NOTCH1: variants seen among roughly 807,000 people sequenced by gnomAD.
NOTCH1 encodes the protein neurogenic locus notch homolog protein 1.
A neutral mutation model predicts 254.8 loss-of-function variants in NOTCH1; 37 were observed. The observed-to-expected ratio is 0.15, with a 90% CI of 0.11 to 0.19. The LOEUF (loss-of-function observed/expected upper bound fraction) is 0.19. Ranked by LOEUF, NOTCH1 falls within the 10% of genes least tolerant of loss-of-function variation. The probability of loss-of-function intolerance (pLI) is 1.00; values close to 1 mark genes in which losing one functional copy is unlikely to be tolerated. For missense variants in NOTCH1, 2,972 were observed against 3,708.6 expected (o/e 0.80, Z 5.16); for synonymous variants, 1,731 against 1,618.1 (o/e 1.07, Z -1.68).
intron 15 of NOTCH1, 44 bp downstream of exon 15, chr9:136,512,977 C>CCA: frequency 1.4e-6 from 1 of 707,616 alleles, no homozygotes; most frequent in Admixed American, 2.3e-5. Context: ...GCCCCTCCCA[C>CCA]ATAGGCCCCG....
At chr9:136,542,177 C>G (rs1217545562) in intron 2 of NOTCH1, among the ~76,000 whole-genome samples, 10 of 152,300 alleles carry the variant, frequency 6.6e-5, no homozygotes, top group Non-Finnish European at 1.3e-4. Context: ...ACCTCAGTCC[C>G]AGACCCCTGT....
At chr9:136,533,587 C>T (rs1266739054) in intron 2 of NOTCH1, among the ~76,000 whole-genome samples, 3 of 152,222 alleles carry the variant, frequency 2.0e-5, no homozygotes, top group Non-Finnish European at 2.9e-5. Flanking sequence ...CTGCCTGCCA[C>T]GGCCACAGCA....
At position 136,502,403 on chromosome 9, in the gene NOTCH1, G is replaced by A; in HGVS notation, c.5253C>T (p.Gly1751=). The change falls in exon 28 of 34, where the codon GGC becomes GGT. Residue 1751 remains glycine (G), a synonymous_variant. Transcript: ENST00000651671. ...AAAFVLLFFV[G]CGVLLSRKRR... ...GCTTGCGGGACAGCAGCACCCCGCAGCCCACGAAGAACAGAAGCACAAAGG... is the reference window on the plus strand; with the variant it reads ...GCTTGCGGGACAGCAGCACCCCGCAACCCACGAAGAACAGAAGCACAAAGG... 6.2e-7 allele frequency: 1 copy of A among 1,611,784 alleles called. No homozygotes were observed. Among genetic ancestry groups the A allele is most frequent in the African/African-American group, 1.3e-5 (1 of 75,024 alleles).
intron 21 of NOTCH1, 147 bp from the exon 22 acceptor site, chr9:136,507,584 G>T: frequency 8.4e-7 from 1 of 1,193,562 alleles, no homozygotes; most frequent in Non-Finnish European, 1.2e-6. Context: ...GTCAGACCTG[G>T]AGAGAGACCC....
rs912167832 is a variant in NOTCH1 at position 136,506,466 on chromosome 9, C to T, written c.4014+61G>A. The stretch of plus-strand genomic sequence containing the variant: ...CCCGGTCTGCGCCCCGAGGCCCCCA[C>T]GTGGACCTCTCCAGGTGTCTCCCCT... On this transcript the variant is annotated intron_variant, in intron 24 of 33. Coordinates refer to ENST00000651671, the MANE Select transcript of NOTCH1 (RefSeq NM_017617.5). The surrounding 1 kb of genome is among the most constrained non-coding windows in gnomAD (Gnocchi z 4.5). The T allele has an allele frequency of 1.0e-4, 150 of 1,456,138 alleles. No individual in the cohort carries two copies. Among genetic ancestry groups the T allele is most frequent in the Admixed American group, 4.3e-4 (22 of 50,778 alleles). 90.2% of individuals were successfully genotyped at this position (1,456,138 alleles called of 1,614,324 possible). A position where few individuals can be genotyped will look rare whatever the true frequency, so the allele number is the denominator to read the frequency against.
At chr9:136,505,285 A>G (rs2133338386) in intron 25 of NOTCH1, 25 bp downstream of exon 25, 1 of 1,553,334 alleles carries the variant, frequency 6.4e-7, no homozygotes, top group Non-Finnish European at 8.7e-7. Context: ...GTCCTCCCTC[A>G]GCCCCATGAG....
chr9:136,496,932 G>C lies in NOTCH1; in HGVS notation c.6807C>G (p.Gly2269=), dbSNP rs758382549. The part of the protein sequence containing the change: ...GGGGRLAFET[G]PPRLSHLPVA... ...CAGGCAGGTGGGAGAGACGAGGTGG[G>C]CCAGTCTCAAAGGCCAGCCGGCCGC... Residue 2269 remains glycine, a synonymous_variant, in exon 34 of 34, where the codon GGC becomes GGG. Transcript: ENST00000651671. The C allele has an allele frequency of 6.2e-7, 1 of 1,611,490 alleles. No homozygotes were observed. The highest frequency in any genetic ancestry group is 8.5e-7 in the Non-Finnish European group (1 of 1,179,600).
Position 136,504,868 on chromosome 9 carries a change from C to T in NOTCH1, c.4823G>A (p.Arg1608His), listed in dbSNP as rs76371972. The change falls in exon 26 of 34, where the codon CGT (arginine) becomes CAT (histidine). Residue 1608 changes from arginine (R) to histidine (H), a missense_variant. Physicochemically the swap from Arg to His is conservative, Grantham distance 29. Coordinates refer to ENST00000651671, the MANE Select transcript of NOTCH1 (RefSeq NM_017617.5). ...GATCATCTGCTGGCCGTGTGCGTCACGCTTGAAGACCACGTTGGTGTGCAG... is the reference window on the plus strand; with the variant it reads ...GATCATCTGCTGGCCGTGTGCGTCATGCTTGAAGACCACGTTGGTGTGCAG... ...RVLHTNVVFK[R>H]DAHGQQMIFP... 2.3e-3 allele frequency: 3,639 copies of T among 1,583,276 alleles called. 130 individuals carry two copies. In the Admixed American group the frequency reaches 0.055, roughly 24 times the overall value.
At position 136,545,636 on chromosome 9, in the gene NOTCH1, C is replaced by A; in HGVS notation, c.61+90G>T. On this transcript the variant is annotated intron_variant, in intron 1 of 33. Coordinates refer to ENST00000651671, the MANE Select transcript of NOTCH1 (RefSeq NM_017617.5). The surrounding 1 kb of genome is among the most constrained non-coding windows in gnomAD (Gnocchi z 6.8). ...TCTCCATGCTGGCCTCCCCGCCGCC[C>A]GCTCCCAGCCGTGGGGCGCGCGCGC... 9.0e-7 allele frequency: 1 copy of A among 1,113,810 alleles called. No homozygotes were observed. The highest frequency in any genetic ancestry group is 3.3e-5 in the Admixed American group (1 of 30,682). 69.0% of individuals were successfully genotyped at this position (1,113,810 alleles called of 1,614,324 possible).
intron 2 of NOTCH1, among the ~76,000 whole-genome samples, chr9:136,541,984 C>A (rs1224185751): frequency 1.3e-5 from 2 of 152,386 alleles, no homozygotes; most frequent in African/African-American, 4.8e-5. Flanking sequence ...CAAGGCCAGG[C>A]ACCAAAGCCA....
At chr9:136,515,897 G>GT in intron 10 of NOTCH1, 84 bp downstream of exon 10, 1 of 1,256,802 alleles carries the variant, frequency 8.0e-7, no homozygotes, top group South Asian at 1.3e-5. Context: ...CCAGACCAAG[G>GT]TGTCCATGAC....
In NOTCH1 at chr9:136,506,320, G is replaced by A. The variant is rs1034772026; in HGVS notation, c.4014+207C>T. ...GCGTGCAGGGGACAGCCACCCCAGG[G>A]AGTCTACTTCCTGCTCCATTTTTCT... On this transcript the variant is annotated intron_variant, in intron 24 of 33. Transcript: ENST00000651671. The surrounding 1 kb of genome is among the most constrained non-coding windows in gnomAD (Gnocchi z 4.5). Among the ~76,000 whole-genome samples, 5 of 151,960 alleles carry A rather than the reference G, an allele frequency of 3.3e-5. No individual in the cohort carries two copies. Among genetic ancestry groups the A allele is most frequent in the Admixed American group, 6.6e-5 (1 of 15,260 alleles).
chr9:136,529,002 G>A (rs1313246918), intron 2 of NOTCH1, among the ~76,000 whole-genome samples: 1 of 152,166 alleles, frequency 6.6e-6, no homozygotes, highest in Non-Finnish European at 1.5e-5. Flanking sequence ...TTTCTGCCCA[G>A]AGGGGAGTCT....
At chr9:136,538,201 G>A (rs1313518994) in intron 2 of NOTCH1, among the ~76,000 whole-genome samples, 1 of 152,074 alleles carries the variant, frequency 6.6e-6, no homozygotes, top group Non-Finnish European at 1.5e-5. Flanking sequence ...GAGCAGGGTG[G>A]GGTGGGGCAG....
In NOTCH1 at chr9:136,502,289, C is replaced by G; in HGVS notation, c.5367G>C (p.Glu1789Asp). Residue 1789 changes from glutamate (E) to aspartate (D), a missense_variant, in exon 28 of 34, where the codon GAG becomes GAC. Around this residue, in one of 8 missense-constraint regions of NOTCH1, gnomAD observed 421 missense variants for 604.4 expected, o/e 0.70. Transcript: ENST00000651671. The part of the protein sequence containing the change: ...SKKKRREPLG[E>D]DSVGLKPLKN... ...CCGCTCACTTGAGGCCCACGGAGTC[C>G]TCGCCGAGGGGCTCCCGCCGCTTCT... 6.2e-7 allele frequency: 1 copy of G among 1,612,108 alleles called. No individual in the cohort carries two copies. Among genetic ancestry groups the G allele is most frequent in the Non-Finnish European group, 8.5e-7 (1 of 1,179,716 alleles).
chr9:136,532,573 C>T (rs954611116), intron 2 of NOTCH1, among the ~76,000 whole-genome samples: 1 of 152,144 alleles, frequency 6.6e-6, no homozygotes, highest in Non-Finnish European at 1.5e-5. Flanking sequence ...CCGGGCGTGC[C>T]GCCCGAGACC....
In NOTCH1 at chr9:136,501,844, G is replaced by T. The variant is rs35652719; in HGVS notation, c.5542C>A (p.Leu1848Met). ...GACATGCGCAGGTCAGCGGCATCCAGGTGCTGCTGAGTCCACTGCCGGTGG... is the reference window on the plus strand; with the variant it reads ...GACATGCGCAGGTCAGCGGCATCCATGTGCTGCTGAGTCCACTGCCGGTGG... ...TDHRQWTQQHLDAADLRMSAM... is the reference protein window; with the variant it reads ...TDHRQWTQQHMDAADLRMSAM... The change falls in exon 30 of 34, where the codon CTG becomes ATG. Residue 1848 changes from leucine (L) to methionine (M), a missense_variant. Leu to Met is a conservative substitution (Grantham distance 15, BLOSUM62 2). This residue lies in a region of NOTCH1 where 421 missense variants were observed against 604.4 expected (regional missense o/e 0.70). Coordinates refer to ENST00000651671, the MANE Select transcript of NOTCH1 (RefSeq NM_017617.5). 9 of 1,612,630 alleles carry T rather than the reference G, an allele frequency of 5.6e-6. No homozygotes were observed. In the African/African-American group the frequency reaches 8.0e-5, roughly 14 times the overall value.
intron 2 of NOTCH1, among the ~76,000 whole-genome samples, chr9:136,528,450 T>G (rs1843507129): frequency 2.6e-5 from 1 of 38,960 alleles, no homozygotes; most frequent in Non-Finnish European, 5.0e-5. Context: ...GAGGGGGGGA[T>G]GGGCAGGGAC....
At chr9:136,533,298 AGTGCC>A (rs1331188530) in intron 2 of NOTCH1, among the ~76,000 whole-genome samples, 10,394 of 73,634 alleles carry the variant, frequency 0.14, 1,494 homozygotes, top group East Asian at 0.44. Flanking sequence ...CGCACCAGCC[AGTGCC>A]CAGCCTGAGC....
Sources: gnomAD v4.1 joint callset for allele counts (sites outside exome capture counted in the v4.1 genomes callset) on GRCh38, gnomAD v4.1.1 for gene constraint, gnomAD v4.1.1 regional missense constraint, Gnocchi (gnomAD v3.1) non-coding constraint, MANE v1.5 for transcripts, NCBI Gene and HGNC (gene_info 2026-07-23, HGNC 2026-07-21) for gene names.